CATSPER4: variants seen among roughly 807,000 people sequenced by gnomAD.
CATSPER4 encodes cation channel sperm-associated protein 4.
A neutral mutation model predicts 54.4 loss-of-function variants in CATSPER4; 46 were observed. That is an observed-to-expected ratio of 0.84 (90% CI 0.67 to 1.08). The LOEUF (loss-of-function observed/expected upper bound fraction) is 1.08, where lower values mean the gene tolerates loss of function less well. CATSPER4 is among the 50% of genes least tolerant of loss of function. The probability of loss-of-function intolerance (pLI) is 0.00; values close to 1 mark genes in which losing one functional copy is unlikely to be tolerated. For missense variants in CATSPER4, 574 were observed against 612.8 expected, an observed-to-expected ratio of 0.94 and a Z score of 0.67; for synonymous variants, 230 against 231.9, an observed-to-expected ratio of 0.99 and a Z score of 0.08.
At chr1:26,199,813 C>T (rs1407784417) in intron 6 of CATSPER4, 71 bp from the exon 7 acceptor site, 75 of 1,559,940 alleles carry the variant, frequency 4.8e-5, no homozygotes, top group Non-Finnish European at 6.0e-5. Flanking sequence ...ATGATTTTCC[C>T]ATTTCAATGA....
chr1:26,196,344 GT>G (rs979268090), intron 3 of CATSPER4, among the ~76,000 whole-genome samples: 1 of 143,320 alleles, frequency 7.0e-6, no homozygotes, highest in African/African-American at 2.6e-5. Context: ...GGAATTTAAT[GT>G]GCCATAGTTT....
Position 26,202,642 on chromosome 1 carries a change from C to A in CATSPER4, c.*100C>A. 8.8e-7 allele frequency: 1 copy of A among 1,133,230 alleles called. No homozygotes were observed. The highest frequency in any genetic ancestry group is 1.3e-6 in the Non-Finnish European group (1 of 764,878). The allele number at this position is 1,133,230 out of a possible 1,614,324, so 70.2% of individuals were successfully genotyped here. ...TTGGCAGAGCCTGGCCAGAGCCCAT[C>A]CTCTCCCTTATACCTGGGCAGAGGC... On this transcript the variant is annotated 3_prime_UTR_variant, in exon 10 of 10. Transcript: ENST00000456354.
intron 3 of CATSPER4, among the ~76,000 whole-genome samples, chr1:26,196,913 C>CTTTTTTTTT (rs1230900409): frequency 1.4e-5 from 1 of 71,398 alleles, no homozygotes; most frequent in Non-Finnish European, 3.0e-5. Context: ...TCTTTTCTTT[C>CTTTTTTTTT]TTTTTTTTTT....
intron 8 of CATSPER4, 93 bp from the exon 9 acceptor site, chr1:26,201,261 G>A: frequency 1.4e-6 from 2 of 1,380,940 alleles, no homozygotes; most frequent in South Asian, 2.4e-5. Context: ...GGCTGCGTGG[G>A]AGAGCGAAGC....
rs569665083 is a variant in CATSPER4 at position 26,194,636 on chromosome 1, A to G, written c.459+748A>G. Among the ~76,000 whole-genome samples the G allele has an allele frequency of 3.3e-5, 5 of 152,346 alleles. No homozygotes were observed. In the South Asian group the frequency reaches 1.0e-3, roughly 32 times the overall value. The stretch of plus-strand genomic sequence containing the variant: ...GAACTGGATCTGGGTATGGCACACA[A>G]CAGGAGCTACATGCTGAATTGATAT... On this transcript the variant is annotated intron_variant, in intron 3 of 9. Transcript: ENST00000456354.
In CATSPER4 at chr1:26,198,273, TTC is replaced by T; in HGVS notation, c.679-7_679-6del. The T allele has an allele frequency of 6.2e-7, 1 of 1,614,222 alleles. No individual in the cohort carries two copies. Among genetic ancestry groups the T allele is most frequent in the Non-Finnish European group, 8.5e-7 (1 of 1,180,046 alleles). On this transcript the variant is annotated splice_polypyrimidine_tract_variant and intron_variant, in intron 5 of 9. Transcript: ENST00000456354. ...TTGGTGAAGTCGGGGTGGGGCTCTT[TTC>T]TCTCTGACAGGTTTTTTCCGTGTTT...
At chr1:26,196,231 C>T (rs1191108142) in intron 3 of CATSPER4, among the ~76,000 whole-genome samples, 2 of 149,774 alleles carry the variant, frequency 1.3e-5, no homozygotes, top group East Asian at 1.9e-4. Context: ...AATCCTCTCC[C>T]GCCAGCCTCT....
rs753850462 is a variant in CATSPER4, at chr1:26,193,830, C to A, written c.401C>A (p.Thr134Asn). The A allele has an allele frequency of 6.2e-7, 1 of 1,614,082 alleles. No individual in the cohort carries two copies. Among genetic ancestry groups the A allele is most frequent in the South Asian group, 1.1e-5 (1 of 91,080 alleles). ...TCTACCATAGATGACATTGTGCTGA[C>A]CATCCTTCTTTGTGAGGTTCTCCTT... ...LFSTIDDIVL[T>N]ILLCEVLLGW... Residue 134 changes from threonine (T) to asparagine (N), a missense_variant, in exon 3 of 10, where the codon ACC (threonine) becomes AAC (asparagine). Transcript: ENST00000456354.
At position 26,201,070 on chromosome 1, in the gene CATSPER4, A is replaced by G. The variant is rs756429792; in HGVS notation, c.1199+29A>G. 4 of 1,537,978 alleles carry G rather than the reference A, an allele frequency of 2.6e-6. No individual in the cohort carries two copies. The African/African-American group carries it at 5.4e-5, about 21-fold the overall frequency. ...GGGGAGGGTACTGGGGCTGCCCCCA[A>G]GTCATGTGAGTCAAGGCTGGGCGGA... On this transcript the variant is annotated intron_variant, in intron 8 of 9. Coordinates refer to ENST00000456354, the MANE Select transcript of CATSPER4 (RefSeq NM_198137.2).
Position 26,201,385 on chromosome 1 carries a change from A to T in CATSPER4, c.1231A>T (p.Asn411Tyr), listed in dbSNP as rs751881999. The T allele has an allele frequency of 1.2e-6, 2 of 1,614,144 alleles. No homozygotes were observed. The highest frequency in any genetic ancestry group is 1.7e-6 in the Non-Finnish European group (2 of 1,180,010). ...GGAGGAGGTGCGCGCAATCCGCTTC[A>T]ACCAGGAGCAGGAGTCAGAGGTGTT... Reference protein sequence around the residue: ...IVEEVRAIRFNQEQESEVLNR... With the variant: ...IVEEVRAIRFYQEQESEVLNR... Residue 411 changes from asparagine (N) to tyrosine (Y), a missense_variant, in exon 9 of 10, where the codon AAC (asparagine) becomes TAC (tyrosine). Coordinates refer to ENST00000456354, the MANE Select transcript of CATSPER4 (RefSeq NM_198137.2).
At chr1:26,193,756 T>G in intron 2 of CATSPER4, 31 bp from the exon 3 acceptor site, 1 of 1,479,924 alleles carries the variant, frequency 6.8e-7, no homozygotes, top group Non-Finnish European at 9.5e-7. Flanking sequence ...CTGACCTCTC[T>G]GCCCCTCTTT....
Position 26,202,489 on chromosome 1 carries a change from G to T in CATSPER4, c.1366G>T (p.Val456Phe). ...LLSALVSMEK[V>F]HDSSSQILLK... The stretch of plus-strand genomic sequence containing the variant: ...AACAAGAAGACCTCTTGGTTTGCAG[G>T]TTCATGACTCTAGCTCACAAATACT... Residue 456 changes from valine to phenylalanine, a missense_variant and splice_region_variant, in exon 10 of 10, where the codon GTT (valine) becomes TTT (phenylalanine). By Grantham distance (50) the Val-to-Phe change is conservative. Coordinates refer to ENST00000456354, the MANE Select transcript of CATSPER4 (RefSeq NM_198137.2). 1 of 1,611,530 alleles carries T rather than the reference G, an allele frequency of 6.2e-7. No homozygotes were observed. Among genetic ancestry groups the T allele is most frequent in the Non-Finnish European group, 8.5e-7 (1 of 1,178,896 alleles).
rs1318037991 is a variant in CATSPER4, at chr1:26,193,733, A to G, written c.358-54A>G. The G allele has an allele frequency of 3.4e-6, 4 of 1,193,676 alleles. No homozygotes were observed. The East Asian group carries it at 7.0e-5, about 21-fold the overall frequency. The allele number at this position is 1,193,676 out of a possible 1,614,324, so 73.9% of individuals were successfully genotyped here. On this transcript the variant is annotated intron_variant, in intron 2 of 9. Transcript: ENST00000456354. ...ACATCCTCTCCCTGCCGGCTTGCCC[A>G]GGCCCTGCTCCACTGACCTCTCTGC...
Position 26,199,598 on chromosome 1 carries a change from C to CA in CATSPER4, c.813-273dup, listed in dbSNP as rs561742837. On this transcript the variant is annotated intron_variant, in intron 6 of 9. Transcript: ENST00000456354. ...TGGGCAACACAGCGAGACTCCATCT[C>CA]AAAAAAAAAAAAAGGAGTGTAGCTA... Among the ~76,000 whole-genome samples the CA allele has an allele frequency of 6.8e-3, 771 of 113,750 alleles. 21 individuals carry two copies. Among genetic ancestry groups the CA allele is most frequent in the African/African-American group, 0.021 (608 of 29,372 alleles). 74.6% of individuals were successfully genotyped at this position (113,750 alleles called of 152,430 possible).
chr1:26,198,448 TC>T, intron 6 of CATSPER4, 29 bp downstream of exon 6: 1 of 1,613,666 alleles, frequency 6.2e-7, no homozygotes, highest in African/African-American at 1.3e-5. Flanking sequence ...TCCAGCCTCA[TC>T]CCACCTATGG....
At chr1:26,193,109 C>G (rs931915213) in intron 2 of CATSPER4, among the ~76,000 whole-genome samples, 1 of 151,324 alleles carries the variant, frequency 6.6e-6, no homozygotes, top group Non-Finnish European at 1.5e-5. Flanking sequence ...ACTTGGGTGA[C>G]TGCTAGGTGG....
rs756965785 is a variant in CATSPER4 at position 26,202,578 on chromosome 1, A to C, written c.*36A>C. Reference sequence around the variant, plus strand: ...TGGGAGCCAAGGGGCCTGCACACACACACCCAGCCGCTGCGTCTTCCTGTG... The same window carrying C: ...TGGGAGCCAAGGGGCCTGCACACACCCACCCAGCCGCTGCGTCTTCCTGTG... On this transcript the variant is annotated 3_prime_UTR_variant, in exon 10 of 10. Coordinates refer to ENST00000456354, the MANE Select transcript of CATSPER4 (RefSeq NM_198137.2). 2 of 1,584,402 alleles carry C rather than the reference A, an allele frequency of 1.3e-6. No homozygotes were observed. Among genetic ancestry groups the C allele is most frequent in the Admixed American group, 1.7e-5 (1 of 57,926 alleles).
At chr1:26,197,637 C>T (rs558338852) in intron 3 of CATSPER4, 49 bp from the exon 4 acceptor site, 1 of 1,347,232 alleles carries the variant, frequency 7.4e-7, no homozygotes, top group South Asian at 1.2e-5. Context: ...CTAGGATGCC[C>T]CCATGGGCTG....
At chr1:26,201,690 CTTT>C (rs57008544) in intron 9 of CATSPER4, 171 bp downstream of exon 9, 3,447 of 394,176 alleles carry the variant, frequency 8.7e-3, no homozygotes, top group Middle Eastern at 0.021. Context: ...TCTTTCTTTC[CTTT>C]TTTTTTTTTT....
Sources: allele counts gnomAD v4.1 joint callset (sites outside exome capture counted in the v4.1 genomes callset), GRCh38; gene constraint gnomAD v4.1.1; transcripts MANE v1.5; gene names NCBI Gene and HGNC (gene_info 2026-07-23, HGNC 2026-07-21).